ADORA1: variants seen among roughly 807,000 people sequenced by gnomAD.
ADORA1 encodes adenosine A1 receptor.
ADORA1 carries 6 observed loss-of-function variants against 19.9 expected under a neutral mutation model. The ratio of observed to expected loss-of-function variants is 0.30; its 90% CI spans 0.17 to 0.59. The LOEUF is 0.59. Among genes scored for constraint, ADORA1 ranks in the 20% least tolerant of loss-of-function variants. The pLI, the probability that ADORA1 is intolerant of heterozygous loss-of-function variation, is 0.87. For synonymous variants in ADORA1, 194 were observed against 188.4 expected, an observed-to-expected ratio of 1.03 and a Z score of -0.24; for missense variants, 302 against 439.2, an observed-to-expected ratio of 0.69 and a Z score of 2.79.
At chr1:203,164,260 A>T (rs1477099322) in intron 3 of ADORA1, among the ~76,000 whole-genome samples, 3 of 152,190 alleles carry the variant, frequency 2.0e-5, no homozygotes, top group Non-Finnish European at 4.4e-5. Flanking sequence ...ACATATCATG[A>T]TCTATAGTTG....
chr1:203,135,858 A>G (rs532511464), intron 3 of ADORA1, among the ~76,000 whole-genome samples: 3 of 151,792 alleles, frequency 2.0e-5, no homozygotes, highest in Admixed American at 2.0e-4. Context: ...TCCCTCCCCA[A>G]TTTTACCCAC....
chr1:203,128,767 G>A lies in ADORA1; in HGVS notation c.-57-18G>A, dbSNP rs1486447168. 3 of 1,522,566 alleles carry A rather than the reference G, an allele frequency of 2.0e-6. No homozygotes were observed. The highest frequency in any genetic ancestry group is 2.3e-4 in the Middle Eastern group (1 of 4,302). 94.3% of individuals were successfully genotyped at this position (1,522,566 alleles called of 1,614,324 possible). A position where few individuals can be genotyped will look rare whatever the true frequency, so the allele number is the denominator to read the frequency against. ...TCCCAGACGGGTCTCCCCATCCCAG[G>A]CTTCCCTGACCACACAGGTGCTTGC... On this transcript the variant is annotated intron_variant, in intron 2 of 3. Coordinates refer to ENST00000337894, the MANE Select transcript of ADORA1 (RefSeq NM_000674.3). The surrounding 1 kb of genome is among the most constrained non-coding windows in gnomAD (Gnocchi z 5.9).
At chr1:203,133,644 A>G (rs754948815) in intron 3 of ADORA1, among the ~76,000 whole-genome samples, 4 of 152,124 alleles carry the variant, frequency 2.6e-5, no homozygotes, top group Non-Finnish European at 4.4e-5. Flanking sequence ...ATCTTTGCCA[A>G]TGGCCTCTGC....
At chr1:203,144,977 A>T (rs965122102) in intron 3 of ADORA1, 1 of 152,278 alleles carries the variant, frequency 6.6e-6, no homozygotes, top group Non-Finnish European at 1.5e-5. Flanking sequence ...GCCCAGTGCC[A>T]GTGTGCAATT....
intron 3 of ADORA1, among the ~76,000 whole-genome samples, chr1:203,142,087 A>G (rs1426218531): frequency 6.6e-6 from 1 of 152,222 alleles, no homozygotes; most frequent in Non-Finnish European, 1.5e-5. Flanking sequence ...CCTCTTCTGT[A>G]AAGCAGGATT....
intron 3 of ADORA1, among the ~76,000 whole-genome samples, chr1:203,134,628 A>T (rs1654448769): frequency 6.6e-6 from 1 of 152,224 alleles, no homozygotes; most frequent in Non-Finnish European, 1.5e-5. Flanking sequence ...CCAGAGGCAG[A>T]TCTGTAGGGG....
At chr1:203,155,181 A>G (rs1655160544) in intron 3 of ADORA1, among the ~76,000 whole-genome samples, 1 of 151,982 alleles carries the variant, frequency 6.6e-6, no homozygotes, top group Non-Finnish European at 1.5e-5. Flanking sequence ...AGCTGGGACT[A>G]TAGGTACCCG....
chr1:203,161,496 G>A (rs531219901), intron 3 of ADORA1, among the ~76,000 whole-genome samples: 1 of 151,734 alleles, frequency 6.6e-6, no homozygotes, highest in Non-Finnish European at 1.5e-5. Flanking sequence ...CCAAAGGAAC[G>A]TCTCATTCCT....
chr1:203,151,015 G>A (rs1845466), intron 3 of ADORA1, among the ~76,000 whole-genome samples: 1 of 151,982 alleles, frequency 6.6e-6, no homozygotes, highest in Admixed American at 6.5e-5. Flanking sequence ...CAACCCCAGC[G>A]GGTGCCTTTG....
At chr1:203,129,510 A>T (rs1313059144) in intron 3 of ADORA1, 2 of 345,950 alleles carry the variant, frequency 5.8e-6, no homozygotes, top group African/African-American at 2.1e-5. Flanking sequence ...ATGGGGTCAC[A>T]GTGAGTGCTG....
At chr1:203,130,258 T>A (rs1444462881) in intron 3 of ADORA1, among the ~76,000 whole-genome samples, 2 of 152,264 alleles carry the variant, frequency 1.3e-5, no homozygotes, top group Non-Finnish European at 2.9e-5. Flanking sequence ...GTGTTACATT[T>A]GTGCACATTT....
At chr1:203,163,654 C>G (rs995875906) in intron 3 of ADORA1, among the ~76,000 whole-genome samples, 12 of 152,162 alleles carry the variant, frequency 7.9e-5, no homozygotes, top group Admixed American at 5.9e-4. Flanking sequence ...AAGGTCTCTT[C>G]TAGTCCTTAT....
intron 3 of ADORA1, among the ~76,000 whole-genome samples, chr1:203,131,806 A>G (rs1571780099): frequency 6.6e-6 from 1 of 152,150 alleles, no homozygotes; most frequent in South Asian, 2.1e-4. Flanking sequence ...GCTCCCCTCT[A>G]CGTGGCTGGA....
chr1:203,165,273 G>A lies in ADORA1; in HGVS notation c.354G>A (p.Val118=). 1 of 1,583,350 alleles carries A rather than the reference G, an allele frequency of 6.3e-7. No homozygotes were observed. Among genetic ancestry groups the A allele is most frequent in the Non-Finnish European group, 8.6e-7 (1 of 1,164,692 alleles). Residue 118 remains valine (V), a synonymous_variant, in exon 4 of 4, where the codon GTG becomes GTA. Coordinates refer to ENST00000337894, the MANE Select transcript of ADORA1 (RefSeq NM_000674.3). The surrounding 1 kb of genome is among the most constrained non-coding windows in gnomAD (Gnocchi z 5.9). The stretch of plus-strand genomic sequence containing the variant: ...TCCTCTCCCCCAGGTACAAGATGGT[G>A]GTGACCCCCCGGAGGGCGGCGGTGG... ...RVKIPLRYKM[V]VTPRRAAVAI...
chr1:203,165,253 TC>T lies in ADORA1; in HGVS notation c.342-3del, dbSNP rs1415752258. 6.3e-7 allele frequency: 1 copy of T among 1,591,754 alleles called. No individual in the cohort carries two copies. The highest frequency in any genetic ancestry group is 8.6e-7 in the Non-Finnish European group (1 of 1,168,804). On this transcript the variant is annotated splice_polypyrimidine_tract_variant and splice_region_variant and intron_variant, in intron 3 of 3. Coordinates refer to ENST00000337894, the MANE Select transcript of ADORA1 (RefSeq NM_000674.3). This position sits in a 1 kb window ranked among gnomAD's most constrained non-coding sequence, Gnocchi z 5.9. The stretch of plus-strand genomic sequence containing the variant: ...CAGATCCTCACACTCTGCCCTCCTC[TC>T]CCCCAGGTACAAGATGGTGGTGACC...
chr1:203,144,375 A>G (rs1170592889), intron 3 of ADORA1, among the ~76,000 whole-genome samples: 1 of 152,178 alleles, frequency 6.6e-6, no homozygotes, highest in African/African-American at 2.4e-5. Context: ...AATGAATGGT[A>G]ATAGTAGTGA....
At chr1:203,159,995 G>C (rs1257929408) in intron 3 of ADORA1, among the ~76,000 whole-genome samples, 2 of 152,340 alleles carry the variant, frequency 1.3e-5, no homozygotes, top group Non-Finnish European at 2.9e-5. Flanking sequence ...GAGCAGGAGA[G>C]GCTTGCCTTC....
chr1:203,154,145 G>A (rs1396540214), intron 3 of ADORA1, among the ~76,000 whole-genome samples: 1 of 152,158 alleles, frequency 6.6e-6, no homozygotes, highest in Non-Finnish European at 1.5e-5. Context: ...ACCCTGCTCT[G>A]GTCTCAGCAG....
intron 3 of ADORA1, among the ~76,000 whole-genome samples, chr1:203,153,988 G>A (rs34639219): frequency 0.29 from 43,718 of 151,968 alleles, 7,756 homozygotes; most frequent in Non-Finnish European, 0.4. Flanking sequence ...AACGGAAGAG[G>A]GAAGATTCAA....
Sources: allele counts gnomAD v4.1 joint callset (sites outside exome capture counted in the v4.1 genomes callset), GRCh38; gene constraint gnomAD v4.1.1; non-coding constraint Gnocchi (gnomAD v3.1); transcripts MANE v1.5; gene names NCBI Gene and HGNC (gene_info 2026-07-23, HGNC 2026-07-21).